The following NXPE2 variants were observed in gnomAD, a reference collection of about 807,000 sequenced individuals.
The protein encoded by NXPE2 is NXPE family member 2.
Under a neutral mutation model 34.4 loss-of-function variants are expected in NXPE2, and 34 were observed. That is an observed-to-expected ratio of 0.99 (90% CI 0.75 to 1.31). The LOEUF (loss-of-function observed/expected upper bound fraction) is 1.31, where lower values mean the gene tolerates loss of function less well. NXPE2 is among the 40% of genes most tolerant of loss of function. The pLI, the probability that NXPE2 is intolerant of heterozygous loss-of-function variation, is 0.00. For synonymous variants in NXPE2, 235 were observed against 231.3 expected, an observed-to-expected ratio of 1.02 and a Z score of -0.15; for missense variants, 649 against 672.5, an observed-to-expected ratio of 0.97 and a Z score of 0.39.
chr11:114,812,236 A>AAGGCTGAGAGCTAGACAG, the NXPE2 span, among the ~76,000 whole-genome samples: 1 of 152,190 alleles, frequency 6.6e-6, no homozygotes, highest in Non-Finnish European at 1.5e-5. Context: ...GGGGATAGCA[A>AAGGCTGAGAGCTAGACAG]AGGCTGAGAG....
At chr11:114,507,207 G>T in the NXPE2 span, among the ~76,000 whole-genome samples, 2 of 144,846 alleles carry the variant, frequency 1.4e-5, no homozygotes, top group Admixed American at 7.1e-5. Flanking sequence ...CCAGTAACAA[G>T]CTCTGAAATT....
chr11:114,759,052 A>G, the NXPE2 span, among the ~76,000 whole-genome samples: 1 of 152,122 alleles, frequency 6.6e-6, no homozygotes, highest in African/African-American at 2.4e-5. Flanking sequence ...TCCACAGCAC[A>G]CACACACGTG....
At chr11:114,570,956 T>C in the NXPE2 span, 1 of 1,595,528 alleles carries the variant, frequency 6.3e-7, no homozygotes, top group Non-Finnish European at 8.5e-7. Flanking sequence ...TATAGTTTAA[T>C]AATATATTAA....
chr11:114,514,536 G>A, the NXPE2 span, among the ~76,000 whole-genome samples: 4 of 151,832 alleles, frequency 2.6e-5, no homozygotes, highest in African/African-American at 9.7e-5. Context: ...CCATCAGCAT[G>A]CACCACCACA....
chr11:114,807,326 A>G, the NXPE2 span, among the ~76,000 whole-genome samples: 1 of 152,212 alleles, frequency 6.6e-6, no homozygotes, highest in African/African-American at 2.4e-5. Context: ...GACAGGATCA[A>G]ATTCACACAT....
At chr11:114,793,410 A>G in the NXPE2 span, among the ~76,000 whole-genome samples, 1 of 152,204 alleles carries the variant, frequency 6.6e-6, no homozygotes, top group Non-Finnish European at 1.5e-5. Context: ...CAAGTTAAAA[A>G]TCTGTCATTT....
chr11:114,606,799 C>A, the NXPE2 span, among the ~76,000 whole-genome samples: 1 of 151,882 alleles, frequency 6.6e-6, no homozygotes, highest in Admixed American at 6.6e-5. Context: ...ATAGGTATTG[C>A]TTGTAGGGTA....
chr11:114,746,760 A>G, the NXPE2 span, among the ~76,000 whole-genome samples: 1 of 152,074 alleles, frequency 6.6e-6, no homozygotes, highest in African/African-American at 2.4e-5. Flanking sequence ...TTGAGGCAGG[A>G]GAATCGCTTG....
chr11:114,582,178 C>G, the NXPE2 span: 1 of 1,178,684 alleles, frequency 8.5e-7, no homozygotes, highest in South Asian at 1.7e-5. Flanking sequence ...CCCAAAGGCT[C>G]TTACTAAAGA....
chr11:114,661,424 A>G, the NXPE2 span, among the ~76,000 whole-genome samples: 1 of 152,162 alleles, frequency 6.6e-6, no homozygotes, highest in Admixed American at 6.5e-5. Flanking sequence ...AACAAAGGTA[A>G]ACAGAATCCT....
chr11:114,512,544 T>C, the NXPE2 span, among the ~76,000 whole-genome samples: 1 of 152,138 alleles, frequency 6.6e-6, no homozygotes, highest in East Asian at 1.9e-4. Flanking sequence ...CCATCCATCC[T>C]CAGGCTTAAA....
chr11:114,759,938 A>G, the NXPE2 span, among the ~76,000 whole-genome samples: 2 of 152,160 alleles, frequency 1.3e-5, no homozygotes, highest in African/African-American at 4.8e-5. Flanking sequence ...CTGCTTCAAC[A>G]AGGTACTTGG....
intron 1 of NXPE2, among the ~76,000 whole-genome samples, chr11:114,679,010 C>A (rs755487752): frequency 1.6e-4 from 25 of 151,672 alleles, no homozygotes; most frequent in Admixed American, 4.6e-4. Flanking sequence ...AGCTCTTTGC[C>A]ACATACTTTT....
the NXPE2 span, chr11:114,513,091 C>G: frequency 3.8e-6 from 2 of 520,506 alleles, no homozygotes; most frequent in African/African-American, 3.9e-5. Context: ...TGAAGTTGAT[C>G]ACCTTTCCTG....
At chr11:114,723,070 G>A in the NXPE2 span, among the ~76,000 whole-genome samples, 1 of 152,064 alleles carries the variant, frequency 6.6e-6, no homozygotes, top group Admixed American at 6.6e-5. Flanking sequence ...ATACATATGT[G>A]GTAAAATTTT....
the NXPE2 span, among the ~76,000 whole-genome samples, chr11:114,536,186 G>T: frequency 6.6e-6 from 1 of 152,176 alleles, no homozygotes; most frequent in East Asian, 1.9e-4. Flanking sequence ...ATGACTACTG[G>T]GTACATAATG....
At chr11:114,550,411 T>C in the NXPE2 span, among the ~76,000 whole-genome samples, 1 of 152,046 alleles carries the variant, frequency 6.6e-6, no homozygotes, top group African/African-American at 2.4e-5. Flanking sequence ...AAATCAGAAA[T>C]AGACCTCATT....
At chr11:114,490,523 A>G in the NXPE2 span, among the ~76,000 whole-genome samples, 2 of 152,344 alleles carry the variant, frequency 1.3e-5, no homozygotes, top group South Asian at 4.1e-4. Context: ...AATGGAACAG[A>G]ACAGAGACCT....
the NXPE2 span, among the ~76,000 whole-genome samples, chr11:114,469,436 G>A: frequency 6.6e-6 from 1 of 152,028 alleles, no homozygotes; most frequent in South Asian, 2.1e-4. Context: ...TTTAAGAATA[G>A]CTTTATTGAA....
Sources: gnomAD v4.1 joint callset for allele counts (sites outside exome capture counted in the v4.1 genomes callset) on GRCh38, gnomAD v4.1.1 for gene constraint, MANE v1.5 for transcripts, NCBI Gene and HGNC (gene_info 2026-07-23, HGNC 2026-07-21) for gene names.